Variants in HDGFL3 observed in about 807,000 individuals in gnomAD.
HDGFL3 encodes the protein HDGF like 3, also known as hepatoma-derived growth factor-related protein 3.
HDGFL3 carries 6 observed loss-of-function variants against 27.6 expected under a neutral mutation model. The ratio of observed to expected loss-of-function variants is 0.22; its 90% CI spans 0.12 to 0.43. HDGFL3 has a LOEUF of 0.43. Ranked by LOEUF, HDGFL3 falls within the 20% of genes least tolerant of loss-of-function variation. The pLI, the probability that HDGFL3 is intolerant of heterozygous loss-of-function variation, is 1.00. For synonymous variants in HDGFL3, 88 were observed against 88.9 expected (o/e 0.99, Z 0.05); for missense variants, 207 against 250.1 (o/e 0.83, Z 1.16).
chr15:83,197,246 T>G (rs2037581895), intron 1 of HDGFL3, among the ~76,000 whole-genome samples: 1 of 152,232 alleles, frequency 6.6e-6, no homozygotes, highest in South Asian at 2.1e-4. Context: ...TAAAATTTAA[T>G]CTAATCTTAT....
chr15:83,187,331 G>GT (rs1015545011), intron 1 of HDGFL3, among the ~76,000 whole-genome samples: 54 of 144,918 alleles, frequency 3.7e-4, no homozygotes, highest in South Asian at 8.6e-4. Flanking sequence ...CACGGGCAGA[G>GT]TTTTTTTTTT....
intron 2 of HDGFL3, among the ~76,000 whole-genome samples, chr15:83,160,387 A>G (rs1413616008): frequency 6.6e-6 from 1 of 152,056 alleles, no homozygotes; most frequent in Non-Finnish European, 1.5e-5. Flanking sequence ...GGGTTTCACC[A>G]TGTTGGCCAG....
chr15:83,153,451 A>G (rs577835161), intron 4 of HDGFL3, among the ~76,000 whole-genome samples: 1 of 152,334 alleles, frequency 6.6e-6, no homozygotes, highest in South Asian at 2.1e-4. Context: ...GAATAGAATT[A>G]GGGCATTACT....
At chr15:83,139,477 C>T (rs1260340993) in intron 5 of HDGFL3, among the ~76,000 whole-genome samples, 2 of 152,040 alleles carry the variant, frequency 1.3e-5, no homozygotes, top group Non-Finnish European at 1.5e-5. Context: ...AAAGGAAATC[C>T]TAGGGTATTT....
chr15:83,138,212 C>CATTTTTTTGTTTTTG lies in HDGFL3; in HGVS notation c.*1043_*1057dup, dbSNP rs2036692676. 1 of 152,556 alleles carries CATTTTTTTGTTTTTG rather than the reference C, an allele frequency of 6.6e-6. No individual in the cohort carries two copies. Among genetic ancestry groups the CATTTTTTTGTTTTTG allele is most frequent in the Non-Finnish European group, 1.5e-5 (1 of 68,000 alleles). 9.5% of individuals were successfully genotyped at this position (152,556 alleles called of 1,614,324 possible). A position where few individuals can be genotyped will look rare whatever the true frequency, so the allele number is the denominator to read the frequency against. ...ATAAATTTATTCTGTAAAAACAATA[C>CATTTTTTTGTTTTTG]ATTTTTTTGTTTTTGATTTTTTTAC... On this transcript the variant is annotated 3_prime_UTR_variant, in exon 6 of 6. Coordinates refer to ENST00000299633, the MANE Select transcript of HDGFL3 (RefSeq NM_016073.4).
chr15:83,119,531 T>A (rs781157202), intron 3 of HDGFL3: 6 of 1,599,258 alleles, frequency 3.8e-6, no homozygotes, highest in Non-Finnish European at 5.1e-6. Context: ...ATGTTCTGCA[T>A]TTACAGGTCT....
rs1425414333 is a variant in HDGFL3, at chr15:83,133,551, AATT to A, written c.*5716_*5718del. The A allele has an allele frequency of 6.6e-6, 1 of 152,210 alleles. No individual in the cohort carries two copies. Among genetic ancestry groups the A allele is most frequent in the Non-Finnish European group, 1.5e-5 (1 of 68,030 alleles). The allele number at this position is 152,210 out of a possible 1,614,324, so 9.4% of individuals were successfully genotyped here. On this transcript the variant is annotated 3_prime_UTR_variant, in exon 6 of 6. Transcript: ENST00000299633. ...ATGATTTAGAATGAAGTGGAAGAAA[AATT>A]ATTAGGGACTCAACCTCACATTGCT...
chr15:83,138,651 T>C lies in HDGFL3; in HGVS notation c.*619A>G, dbSNP rs1026108480. On this transcript the variant is annotated 3_prime_UTR_variant, in exon 6 of 6. Transcript: ENST00000299633. The stretch of plus-strand genomic sequence containing the variant: ...CAAAAAGACTCACTAACTTCACATA[T>C]AGAAACTTAGTTTGTGTACATAACA... 6.6e-6 allele frequency: 1 copy of C among 152,578 alleles called. No individual in the cohort carries two copies. The highest frequency in any genetic ancestry group is 6.5e-5 in the Admixed American group (1 of 15,274). 9.5% of individuals were successfully genotyped at this position (152,578 alleles called of 1,614,324 possible). A position where few individuals can be genotyped will look rare whatever the true frequency, so the allele number is the denominator to read the frequency against.
chr15:83,169,530 G>A (rs568727884), intron 1 of HDGFL3, among the ~76,000 whole-genome samples: 3 of 151,544 alleles, frequency 2.0e-5, no homozygotes, highest in South Asian at 2.1e-4. Flanking sequence ...GGCCAGGCAC[G>A]GTGGCTCACG....
exon 4 of HDGFL3, chr15:83,114,381 C>G (rs1342040335): frequency 6.6e-6 from 1 of 152,298 alleles, no homozygotes; most frequent in Non-Finnish European, 1.5e-5. Context: ...GTGTCTGACA[C>G]TTGTGTTGTC....
chr15:83,169,414 C>CAAAATAAAAAAAAAAA (rs2037216196), intron 1 of HDGFL3, among the ~76,000 whole-genome samples: 1 of 35,570 alleles, frequency 2.8e-5, no homozygotes, highest in African/African-American at 8.7e-5. Flanking sequence ...GACTCCGTCT[C>CAAAATAAAAAAAAAAA]AAAAAAAAAA....
chr15:83,158,449 A>T (rs969851864), intron 2 of HDGFL3, among the ~76,000 whole-genome samples: 4 of 152,092 alleles, frequency 2.6e-5, no homozygotes, highest in Non-Finnish European at 5.9e-5. Flanking sequence ...ATGCTAGAAT[A>T]AAAAAAAGAT....
At chr15:83,118,132 C>T (rs1044045344) in intron 3 of HDGFL3, among the ~76,000 whole-genome samples, 10 of 152,082 alleles carry the variant, frequency 6.6e-5, no homozygotes, top group African/African-American at 2.4e-4. Context: ...AAGACAAAGG[C>T]GGGAGGATCG....
chr15:83,169,655 G>C (rs1372455213), intron 1 of HDGFL3, among the ~76,000 whole-genome samples: 1 of 151,850 alleles, frequency 6.6e-6, no homozygotes, highest in Non-Finnish European at 1.5e-5. Context: ...ACCAAAATTA[G>C]CTGGGAGTGG....
chr15:83,158,704 T>C (rs758978538), intron 2 of HDGFL3, among the ~76,000 whole-genome samples: 1 of 152,218 alleles, frequency 6.6e-6, no homozygotes, highest in Non-Finnish European at 1.5e-5. Flanking sequence ...TAGCTATCTC[T>C]GTTATCAGAT....
At chr15:83,190,270 T>C (rs944371966) in intron 1 of HDGFL3, among the ~76,000 whole-genome samples, 4 of 152,068 alleles carry the variant, frequency 2.6e-5, no homozygotes, top group African/African-American at 9.7e-5. Flanking sequence ...AATCCTGTTG[T>C]TGTAAAATTC....
At chr15:83,116,666 T>C (rs1290920079) in intron 3 of HDGFL3, among the ~76,000 whole-genome samples, 1 of 152,174 alleles carries the variant, frequency 6.6e-6, no homozygotes, top group Admixed American at 6.5e-5. Context: ...GTCCGTGCCA[T>C]GAGCTGGGGC....
intron 4 of HDGFL3, among the ~76,000 whole-genome samples, chr15:83,157,011 A>G (rs889885393): frequency 6.6e-6 from 1 of 152,188 alleles, no homozygotes; most frequent in Non-Finnish European, 1.5e-5. Flanking sequence ...TGCATTTCTT[A>G]GAACCCCATA....
chr15:83,117,147 AAGATGGACATTTCC>A (rs1266615038), intron 3 of HDGFL3, among the ~76,000 whole-genome samples: 1 of 152,174 alleles, frequency 6.6e-6, no homozygotes, highest in Non-Finnish European at 1.5e-5. Context: ...ATGGCAGTGG[AAGATGGACATTTCC>A]AGATGGACCA....
Sources: allele counts gnomAD v4.1 joint callset (sites outside exome capture counted in the v4.1 genomes callset), GRCh38; gene constraint gnomAD v4.1.1; transcripts MANE v1.5; gene names NCBI Gene and HGNC (gene_info 2026-07-23, HGNC 2026-07-21).